The following SIKE1 variants were observed in gnomAD, a reference collection of about 807,000 sequenced individuals.
SIKE1 encodes suppressor of IKBKE 1.
Under a neutral mutation model 25.8 loss-of-function variants are expected in SIKE1, and 13 were observed. That is an observed-to-expected ratio of 0.50 (90% CI 0.33 to 0.80). The LOEUF is 0.80. SIKE1 is among the 30% of genes least tolerant of loss of function. The pLI is 0.02. For missense variants in SIKE1, 222 were observed against 252.4 expected (o/e 0.88, Z 0.82); for synonymous variants, 86 against 95.5 (o/e 0.90, Z 0.58).
intron 3 of SIKE1, among the ~76,000 whole-genome samples, chr1:114,777,787 C>T (rs1286251660): frequency 1.3e-5 from 2 of 151,882 alleles, no homozygotes; most frequent in Non-Finnish European, 2.9e-5. Flanking sequence ...CATCAATCCC[C>T]CAGTAGGTCC....
chr1:114,776,243 C>T, intron 4 of SIKE1, 103 bp downstream of exon 4: 1 of 733,564 alleles, frequency 1.4e-6, no homozygotes, highest in South Asian at 1.6e-5. Flanking sequence ...ATCATGAGCA[C>T]ACAGAAAACA....
In SIKE1 at chr1:114,774,212, T is replaced by C; in HGVS notation, c.*59A>G. On this transcript the variant is annotated 3_prime_UTR_variant, in exon 5 of 5. Coordinates refer to ENST00000060969, the MANE Select transcript of SIKE1 (RefSeq NM_025073.3). ...AGACACTTAATGGACAGTACTTGAA[T>C]GGGAAGACAGTAACTTCCTTCCTTG... is the stretch of plus-strand genomic sequence containing the variant. 7.5e-7 allele frequency: 1 copy of C among 1,327,378 alleles called. No homozygotes were observed. The highest frequency in any genetic ancestry group is 2.3e-5 in the East Asian group (1 of 43,140). 82.2% of individuals were successfully genotyped at this position (1,327,378 alleles called of 1,614,324 possible).
chr1:114,778,032 C>T (rs762761631), intron 3 of SIKE1, among the ~76,000 whole-genome samples: 5 of 152,096 alleles, frequency 3.3e-5, no homozygotes, highest in South Asian at 2.1e-4. Context: ...TTCCTCCATA[C>T]GAGAAGAAAA....
rs1221640667 is a variant in SIKE1 at position 114,780,497 on chromosome 1, G to C, written c.111C>G (p.His37Gln). ...ESLVDQSAAL[H>Q]RRVAAMREAG... ...CCTCCCGCATAGCTGCTACCCGCCG[G>C]TGCAGCGCCGCCGACTGATCCACCA... is the stretch of plus-strand genomic sequence containing the variant. The change falls in exon 1 of 5, where the codon CAC becomes CAG. Residue 37 changes from histidine to glutamine, a missense_variant. Physicochemically the swap from His to Gln is conservative, Grantham distance 24 (BLOSUM62 0). Transcript: ENST00000060969. The C allele has an allele frequency of 1.2e-6, 2 of 1,613,324 alleles. No homozygotes were observed. The highest frequency in any genetic ancestry group is 1.3e-5 in the African/African-American group (1 of 74,888).
chr1:114,770,600 C>T lies in SIKE1; in HGVS notation c.*3671G>A, dbSNP rs1315161013. On this transcript the variant is annotated 3_prime_UTR_variant, in exon 5 of 5. Coordinates refer to ENST00000060969, the MANE Select transcript of SIKE1 (RefSeq NM_025073.3). ...GCAAAAGGAGGCTGAGAAAACATTACCTGGTACTTTCAAATTCTTTAGGAG... is the reference window on the plus strand; with the variant it reads ...GCAAAAGGAGGCTGAGAAAACATTATCTGGTACTTTCAAATTCTTTAGGAG... The T allele has an allele frequency of 1.3e-5, 2 of 152,108 alleles. No individual in the cohort carries two copies. The highest frequency in any genetic ancestry group is 2.9e-5 in the Non-Finnish European group (2 of 68,030). The allele number at this position is 152,108 out of a possible 1,614,324, so 9.4% of individuals were successfully genotyped here. A position where few individuals can be genotyped will look rare whatever the true frequency, so the allele number is the denominator to read the frequency against.
Position 114,779,174 on chromosome 1 carries a change from G to C in SIKE1, c.376C>G (p.Pro126Ala), listed in dbSNP as rs375443289. Residue 126 changes from proline to alanine, a missense_variant, in exon 3 of 5, where the codon CCA becomes GCA. Transcript: ENST00000060969. ...MVAKKAVDAE[P>A]VLKAHQSHSA... The stretch of plus-strand genomic sequence containing the variant: ...TGAGACTGGTGAGCTTTCAGGACTG[G>C]TTCAGCATCCACCGCTTTTTTAGCA... 9 of 1,614,072 alleles carry C rather than the reference G, an allele frequency of 5.6e-6. No individual in the cohort carries two copies. The East Asian group carries it at 2.0e-4, about 36-fold the overall frequency.
intron 1 of SIKE1, 88 bp downstream of exon 1, chr1:114,780,361 A>C (rs896999934): frequency 1.2e-6 from 2 of 1,608,242 alleles, no homozygotes; most frequent in African/African-American, 2.7e-5. Context: ...ACCGGGAATA[A>C]ATTCCAGGCC....
At position 114,773,525 on chromosome 1, in the gene SIKE1, A is replaced by T. The variant is rs1258231257; in HGVS notation, c.*746T>A. On this transcript the variant is annotated 3_prime_UTR_variant, in exon 5 of 5. Coordinates refer to ENST00000060969, the MANE Select transcript of SIKE1 (RefSeq NM_025073.3). ...GTGTTTTTGGCTGATTATATTTAATAAAAGCTACTTTTAGTATTTGAACTA... is the reference window on the plus strand; with the variant it reads ...GTGTTTTTGGCTGATTATATTTAATTAAAGCTACTTTTAGTATTTGAACTA... The T allele has an allele frequency of 3.3e-5, 5 of 152,338 alleles. No individual in the cohort carries two copies. Among genetic ancestry groups the T allele is most frequent in the Non-Finnish European group, 7.3e-5 (5 of 68,032 alleles). The allele number at this position is 152,338 out of a possible 1,614,324, so 9.4% of individuals were successfully genotyped here. A position where few individuals can be genotyped will look rare whatever the true frequency, so the allele number is the denominator to read the frequency against.
Position 114,772,046 on chromosome 1 carries a change from A to G in SIKE1, c.*2225T>C, listed in dbSNP as rs562276991. ...TAAGGTATTAATATAAGAATTATAC[A>G]TAAGATATTGATATAATACTACACT... is the stretch of plus-strand genomic sequence containing the variant. On this transcript the variant is annotated 3_prime_UTR_variant, in exon 5 of 5. Transcript: ENST00000060969. 2.0e-5 allele frequency: 3 copies of G among 152,312 alleles called. No individual in the cohort carries two copies. In the South Asian group the frequency reaches 6.2e-4, roughly 32 times the overall value. 9.4% of individuals were successfully genotyped at this position (152,312 alleles called of 1,614,324 possible). A position where few individuals can be genotyped will look rare whatever the true frequency, so the allele number is the denominator to read the frequency against.
In SIKE1 at chr1:114,772,318, G is replaced by A. The variant is rs1013794390; in HGVS notation, c.*1953C>T. 7 of 152,074 alleles carry A rather than the reference G, an allele frequency of 4.6e-5. No homozygotes were observed. Among genetic ancestry groups the A allele is most frequent in the African/African-American group, 1.7e-4 (7 of 41,404 alleles). 9.4% of individuals were successfully genotyped at this position (152,074 alleles called of 1,614,324 possible). On this transcript the variant is annotated 3_prime_UTR_variant, in exon 5 of 5. Coordinates refer to ENST00000060969, the MANE Select transcript of SIKE1 (RefSeq NM_025073.3). ...CAGGCAAGTTCTTCATCCACTCAAG[G>A]AGAAACTTTAAAATCCACTTAAAAT...
chr1:114,780,376 T>A lies in SIKE1; in HGVS notation c.159+73A>T. ...ACCGGGAATAAATTCCAGGCCGAGTTCCCACTTTACCTCGCTCTCCACCCT... is the reference window on the plus strand; with the variant it reads ...ACCGGGAATAAATTCCAGGCCGAGTACCCACTTTACCTCGCTCTCCACCCT... On this transcript the variant is annotated intron_variant, in intron 1 of 4. Coordinates refer to ENST00000060969, the MANE Select transcript of SIKE1 (RefSeq NM_025073.3). The A allele has an allele frequency of 3.1e-6, 5 of 1,611,416 alleles. No individual in the cohort carries two copies. In the South Asian group the frequency reaches 5.5e-5, roughly 18 times the overall value.
In SIKE1 at chr1:114,773,394, T is replaced by A. The variant is rs566918392; in HGVS notation, c.*877A>T. On this transcript the variant is annotated 3_prime_UTR_variant, in exon 5 of 5. Coordinates refer to ENST00000060969, the MANE Select transcript of SIKE1 (RefSeq NM_025073.3). ...GACATCCAATCCAAGTAAGTGATGG[T>A]TCTTAACTATAAAATGGAAATTGTA... The A allele has an allele frequency of 9.9e-5, 15 of 152,184 alleles. No individual in the cohort carries two copies. In the East Asian group the frequency reaches 2.9e-3, roughly 29 times the overall value. The allele number at this position is 152,184 out of a possible 1,614,324, so 9.4% of individuals were successfully genotyped here.
Position 114,780,500 on chromosome 1 carries a change from C to G in SIKE1, c.108G>C (p.Leu36=), listed in dbSNP as rs1662374193. ...CCCGCATAGCTGCTACCCGCCGGTGCAGCGCCGCCGACTGATCCACCAGCG... is the reference window on the plus strand; with the variant it reads ...CCCGCATAGCTGCTACCCGCCGGTGGAGCGCCGCCGACTGATCCACCAGCG... ...AESLVDQSAA[L]HRRVAAMREA... The change falls in exon 1 of 5, where the codon CTG becomes CTC. Residue 36 remains leucine (L), a synonymous_variant. Coordinates refer to ENST00000060969, the MANE Select transcript of SIKE1 (RefSeq NM_025073.3). 1 of 1,613,376 alleles carries G rather than the reference C, an allele frequency of 6.2e-7. No homozygotes were observed. Among genetic ancestry groups the G allele is most frequent in the Non-Finnish European group, 8.5e-7 (1 of 1,180,028 alleles).
chr1:114,777,641 CAT>C (rs1269605712), intron 3 of SIKE1, among the ~76,000 whole-genome samples: 1 of 152,192 alleles, frequency 6.6e-6, no homozygotes, highest in East Asian at 1.9e-4. Context: ...TAGAAGGCCA[CAT>C]GATTCCCTTT....
intron 3 of SIKE1, among the ~76,000 whole-genome samples, chr1:114,777,835 T>C (rs974563929): frequency 1.3e-5 from 2 of 151,650 alleles, no homozygotes; most frequent in Non-Finnish European, 2.9e-5. Context: ...AAAAAAAAAA[T>C]CAATTGTAGT....
chr1:114,779,087 A>C, intron 3 of SIKE1, 55 bp downstream of exon 3: 4 of 1,604,388 alleles, frequency 2.5e-6, no homozygotes, highest in Non-Finnish European at 3.4e-6. Flanking sequence ...ACACAATCTA[A>C]AACAATCTCA....
intron 3 of SIKE1, among the ~76,000 whole-genome samples, chr1:114,777,869 TACTA>T (rs1170476679): frequency 9.2e-5 from 14 of 152,360 alleles, no homozygotes; most frequent in African/African-American, 3.4e-4. Context: ...GGATGTTGGA[TACTA>T]TCTCTAAGTG....
At chr1:114,774,437 T>G (rs1662157477) in intron 4 of SIKE1, 65 bp from the exon 5 acceptor site, 7 of 1,082,284 alleles carry the variant, frequency 6.5e-6, no homozygotes, top group Non-Finnish European at 9.5e-6. Context: ...CAACAACACA[T>G]TATTTTGAGC....
At chr1:114,777,850 C>A (rs1662289609) in intron 3 of SIKE1, among the ~76,000 whole-genome samples, 1 of 152,146 alleles carries the variant, frequency 6.6e-6, no homozygotes, top group Admixed American at 6.5e-5. Flanking sequence ...TGTAGTTTAA[C>A]TACCCATTGG....
Sources: allele counts gnomAD v4.1 joint callset (sites outside exome capture counted in the v4.1 genomes callset), GRCh38; gene constraint gnomAD v4.1.1; transcripts MANE v1.5; gene names NCBI Gene and HGNC (gene_info 2026-07-23, HGNC 2026-07-21).